The following ZNF521 variants were observed in gnomAD, a reference collection of about 807,000 sequenced individuals.
ZNF521 encodes zinc finger protein 521.
Under a neutral mutation model 105.5 loss-of-function variants are expected in ZNF521, and 14 were observed. That is an observed-to-expected ratio of 0.13 (90% confidence interval 0.09 to 0.21). ZNF521 has a LOEUF of 0.21. ZNF521 is among the 10% of genes least tolerant of loss of function. The pLI is 1.00. For missense variants in ZNF521, 1,233 were observed against 1,629.7 expected, an observed-to-expected ratio of 0.76 and a Z score of 4.19; for synonymous variants, 635 against 606.0, an observed-to-expected ratio of 1.05 and a Z score of -0.70.
At chr18:25,147,250 TTTACC>T (rs201277446) in intron 5 of ZNF521, among the ~76,000 whole-genome samples, 2,080 of 152,252 alleles carry the variant, frequency 0.014, 47 homozygotes, top group African/African-American at 0.045. Flanking sequence ...GGTCTTGAGA[TTTACC>T]TTTAATACTG....
At chr18:25,181,632 A>G (rs1195201751) in intron 5 of ZNF521, among the ~76,000 whole-genome samples, 2 of 152,196 alleles carry the variant, frequency 1.3e-5, no homozygotes, top group African/African-American at 4.8e-5. Context: ...TCTAGTTCCC[A>G]TCAAGTCAAT....
At chr18:25,266,624 G>A (rs762087254) in intron 3 of ZNF521, among the ~76,000 whole-genome samples, 6 of 152,096 alleles carry the variant, frequency 3.9e-5, no homozygotes, top group South Asian at 2.1e-4. Context: ...GTGGGGTGTC[G>A]CCTCACTGAG....
chr18:25,129,176 A>C (rs2034591679), intron 5 of ZNF521, among the ~76,000 whole-genome samples: 1 of 151,384 alleles, frequency 6.6e-6, no homozygotes, highest in South Asian at 2.1e-4. Flanking sequence ...TTGGACAAAG[A>C]AGCAAGGGTA....
chr18:25,350,628 C>T (rs573282556), intron 2 of ZNF521, among the ~76,000 whole-genome samples: 1 of 151,072 alleles, frequency 6.6e-6, no homozygotes, highest in Admixed American at 6.6e-5. Flanking sequence ...GTTTCTTTCT[C>T]TCTCTCTCTC....
At chr18:25,168,025 A>C (rs908857736) in intron 5 of ZNF521, among the ~76,000 whole-genome samples, 7 of 152,198 alleles carry the variant, frequency 4.6e-5, no homozygotes, top group Non-Finnish European at 1.5e-5. Context: ...TTTGGTGCTC[A>C]GAATAGCTCC....
intron 5 of ZNF521, among the ~76,000 whole-genome samples, chr18:25,144,922 C>G (rs777349546): frequency 1.3e-5 from 2 of 152,122 alleles, no homozygotes; most frequent in African/African-American, 2.4e-5. Context: ...TCATACAAAA[C>G]TCAGTTATCC....
chr18:25,226,000 C>T lies in ZNF521; in HGVS notation c.1918G>A (p.Gly640Ser). ...PTGEYICNQC[G>S]AKYTSLDSFQ... The stretch of plus-strand genomic sequence containing the variant: ...CTGTCTAGGGATGTGTACTTAGCAC[C>T]ACATTGATTACAGATATATTCTCCA... Residue 640 changes from glycine to serine, a missense_variant, in exon 4 of 8, where the codon GGT becomes AGT. This residue lies in a region of ZNF521 where 614 missense variants were observed against 751.5 expected (regional missense o/e 0.82). Coordinates refer to ENST00000361524, the MANE Select transcript of ZNF521 (RefSeq NM_015461.3). This position sits in a 1 kb window ranked among gnomAD's most constrained non-coding sequence, Gnocchi z 5.6. The T allele has an allele frequency of 1.2e-6, 2 of 1,614,148 alleles. No individual in the cohort carries two copies. The highest frequency in any genetic ancestry group is 1.7e-6 in the Non-Finnish European group (2 of 1,180,028).
Position 25,227,138 on chromosome 18 carries a change from G to A in ZNF521, c.780C>T (p.Asp260=). 1 of 1,614,152 alleles carries A rather than the reference G, an allele frequency of 6.2e-7. No homozygotes were observed. Among genetic ancestry groups the A allele is most frequent in the African/African-American group, 1.3e-5 (1 of 75,036 alleles). ...GGCACTCTGCAATGTGTTTTTGGAG[G>A]TCTTCCGGGAAGTCAAAGCCTTCCT... ...QCEEGFDFPE[D]LQKHIAECHP... Residue 260 remains aspartate (D), a synonymous_variant, in exon 4 of 8, where the codon GAC becomes GAT. Coordinates refer to ENST00000361524, the MANE Select transcript of ZNF521 (RefSeq NM_015461.3). This position sits in a 1 kb window ranked among gnomAD's most constrained non-coding sequence, Gnocchi z 5.7.
intron 5 of ZNF521, among the ~76,000 whole-genome samples, chr18:25,176,873 A>G (rs1267811383): frequency 6.6e-6 from 1 of 152,234 alleles, no homozygotes; most frequent in African/African-American, 2.4e-5. Flanking sequence ...GCACGCACAC[A>G]CTCATAAGCA....
intron 2 of ZNF521, among the ~76,000 whole-genome samples, chr18:25,322,855 A>G (rs1568078259): frequency 6.6e-6 from 1 of 152,232 alleles, no homozygotes. Flanking sequence ...AAACAATTAT[A>G]AATAATAATG....
chr18:25,207,396 C>G (rs141465759), intron 4 of ZNF521, among the ~76,000 whole-genome samples: 1 of 152,138 alleles, frequency 6.6e-6, no homozygotes, highest in South Asian at 2.1e-4. Flanking sequence ...CGGGGCTCCT[C>G]GGGGCACAGG....
chr18:25,210,336 A>C (rs2036156956), intron 4 of ZNF521, among the ~76,000 whole-genome samples: 1 of 152,140 alleles, frequency 6.6e-6, no homozygotes, highest in South Asian at 2.1e-4. Flanking sequence ...TTTTTCCCTA[A>C]GGACAATCTT....
chr18:25,271,834 A>G (rs1028852093), intron 3 of ZNF521, among the ~76,000 whole-genome samples: 15 of 152,218 alleles, frequency 9.9e-5, no homozygotes, highest in African/African-American at 3.6e-4. Flanking sequence ...AGGCAATACC[A>G]TTCAGGATAT....
chr18:25,098,955 G>A (rs1600019265), intron 5 of ZNF521, among the ~76,000 whole-genome samples: 1 of 152,176 alleles, frequency 6.6e-6, no homozygotes, highest in African/African-American at 2.4e-5. Flanking sequence ...AGACAGCAGT[G>A]TTTCCAATTC....
intron 5 of ZNF521, among the ~76,000 whole-genome samples, chr18:25,140,655 CAG>C (rs2034829648): frequency 6.6e-6 from 1 of 152,208 alleles, no homozygotes; most frequent in South Asian, 2.1e-4. Context: ...CATGGGGAGA[CAG>C]AGGGGAGAAG....
At chr18:25,131,552 T>A (rs187291263) in intron 5 of ZNF521, among the ~76,000 whole-genome samples, 2 of 152,248 alleles carry the variant, frequency 1.3e-5, no homozygotes, top group African/African-American at 4.8e-5. Flanking sequence ...AAGACAAATA[T>A]CTATCATGAC....
chr18:25,338,388 T>G (rs189250543), intron 2 of ZNF521, among the ~76,000 whole-genome samples: 95 of 151,882 alleles, frequency 6.3e-4, no homozygotes, highest in African/African-American at 2.2e-3. Flanking sequence ...ATTACTGTTT[T>G]CACAATCTTT....
intron 2 of ZNF521, among the ~76,000 whole-genome samples, chr18:25,335,867 G>C (rs1913851420): frequency 1.3e-5 from 2 of 152,204 alleles, no homozygotes; most frequent in African/African-American, 4.8e-5. Context: ...CGCGGACAGA[G>C]GCTGGGCTTC....
At chr18:25,127,282 T>C (rs561499554) in intron 5 of ZNF521, among the ~76,000 whole-genome samples, 2 of 152,102 alleles carry the variant, frequency 1.3e-5, no homozygotes, top group South Asian at 4.1e-4. Context: ...TAGGTGACAG[T>C]AGTAGGACAA....
Sources: allele counts gnomAD v4.1 joint callset (sites outside exome capture counted in the v4.1 genomes callset), GRCh38; gene constraint gnomAD v4.1.1; regional missense constraint gnomAD v4.1.1; non-coding constraint Gnocchi (gnomAD v3.1); transcripts MANE v1.5; gene names NCBI Gene and HGNC (gene_info 2026-07-23, HGNC 2026-07-21).